TMPRSS15: variants seen among roughly 807,000 people sequenced by gnomAD.
The protein encoded by TMPRSS15 is enteropeptidase.
TMPRSS15 carries 128 observed loss-of-function variants against 125.3 expected under a neutral mutation model. That is an observed-to-expected ratio of 1.02 (90% CI 0.89 to 1.18). The LOEUF (loss-of-function observed/expected upper bound fraction) is 1.18, where lower values mean the gene tolerates loss of function less well. TMPRSS15 is among the 50% of genes most tolerant of loss of function. TMPRSS15 has a pLI of 0.00. For synonymous variants in TMPRSS15, 446 were observed against 423.2 expected, an observed-to-expected ratio of 1.05 and a Z score of -0.66; for missense variants, 1,283 against 1,212.7, an observed-to-expected ratio of 1.06 and a Z score of -0.86.
chr21:18,450,749 C>T (rs958007088), intron 1 of TMPRSS15, among the ~76,000 whole-genome samples: 8 of 152,172 alleles, frequency 5.3e-5, no homozygotes, highest in Admixed American at 5.2e-4. Flanking sequence ...GTGTCAGCTT[C>T]AGGGGTTCAA....
At chr21:18,471,524 T>C (rs1978780761) in intron 1 of TMPRSS15, among the ~76,000 whole-genome samples, 1 of 151,616 alleles carries the variant, frequency 6.6e-6, no homozygotes, top group Non-Finnish European at 1.5e-5. Flanking sequence ...TCCTAAAGCC[T>C]AAGTAATGTT....
chr21:18,416,730 A>G (rs2076181200), intron 1 of TMPRSS15, among the ~76,000 whole-genome samples: 1 of 152,094 alleles, frequency 6.6e-6, no homozygotes, highest in African/African-American at 2.4e-5. Context: ...TAAATTATCT[A>G]GATGACTTTT....
At chr21:18,476,304 A>T (rs1978879249) in intron 1 of TMPRSS15, among the ~76,000 whole-genome samples, 1 of 152,130 alleles carries the variant, frequency 6.6e-6, no homozygotes, top group South Asian at 2.1e-4. Context: ...AATTTTTAGC[A>T]TGTGTTATTT....
In TMPRSS15 at chr21:18,326,501, T is replaced by G. The variant is rs1403383830; in HGVS notation, c.1852A>C (p.Thr618Pro). Reference protein sequence around the residue: ...TTNRMTVLLITNDVLARGGFK... With the variant: ...TTNRMTVLLIPNDVLARGGFK... ...CCTCCTCTTGCCAACACATCGTTAG[T>G]GATGAGAAGCACAGTCATTCTGTTG... The change falls in exon 16 of 25, where the codon ACT (threonine) becomes CCT (proline). Residue 618 changes from threonine to proline, a missense_variant. Physicochemically the swap from Thr to Pro is conservative, Grantham distance 38 (BLOSUM62 -1). Coordinates refer to ENST00000284885, the MANE Select transcript of TMPRSS15 (RefSeq NM_002772.3). 1 of 1,614,150 alleles carries G rather than the reference T, an allele frequency of 6.2e-7. No individual in the cohort carries two copies. Among genetic ancestry groups the G allele is most frequent in the East Asian group, 2.2e-5 (1 of 44,876 alleles).
intron 14 of TMPRSS15, among the ~76,000 whole-genome samples, chr21:18,330,617 TTG>T (rs1282929539): frequency 1.3e-5 from 2 of 152,210 alleles, no homozygotes; most frequent in Non-Finnish European, 2.9e-5. Flanking sequence ...TGTGCTACAT[TTG>T]TGTCTTCTTT....
intron 1 of TMPRSS15, among the ~76,000 whole-genome samples, chr21:18,473,753 A>C (rs1006517574): frequency 6.6e-6 from 1 of 152,042 alleles, no homozygotes; most frequent in Admixed American, 6.6e-5. Flanking sequence ...TCAACTTCTA[A>C]TTTTTCTTTT....
chr21:18,374,145 A>G (rs1216668670), intron 5 of TMPRSS15, among the ~76,000 whole-genome samples: 1 of 152,160 alleles, frequency 6.6e-6, no homozygotes, highest in East Asian at 1.9e-4. Flanking sequence ...CACCAGGAGG[A>G]GAGAGATATG....
At chr21:18,383,843 C>T in intron 3 of TMPRSS15, 65 bp from the exon 4 acceptor site, 1 of 1,553,524 alleles carries the variant, frequency 6.4e-7, no homozygotes, top group Admixed American at 1.8e-5. Flanking sequence ...GTGTTCAATT[C>T]ATGTTAAATG....
At chr21:18,344,601 A>G (rs2146991351) in intron 10 of TMPRSS15, among the ~76,000 whole-genome samples, 1 of 152,334 alleles carries the variant, frequency 6.6e-6, no homozygotes, top group South Asian at 2.1e-4. Context: ...ACGATAAGTA[A>G]TCAGATCACT....
At chr21:18,361,458 C>G (rs115913687) in intron 7 of TMPRSS15, among the ~76,000 whole-genome samples, 2 of 152,046 alleles carry the variant, frequency 1.3e-5, no homozygotes, top group Non-Finnish European at 2.9e-5. Flanking sequence ...GTTTCCAAGG[C>G]CAAGCAGGAG....
At chr21:18,440,486 C>T (rs989837201) in intron 1 of TMPRSS15, among the ~76,000 whole-genome samples, 22 of 151,564 alleles carry the variant, frequency 1.5e-4, no homozygotes, top group Admixed American at 1.2e-3. Flanking sequence ...TTAGAACCTC[C>T]ATTTCCCTAA....
chr21:18,466,950 A>C (rs1257902737), intron 1 of TMPRSS15, among the ~76,000 whole-genome samples: 1 of 152,194 alleles, frequency 6.6e-6, no homozygotes, highest in Non-Finnish European at 1.5e-5. Flanking sequence ...CTATAAAGAC[A>C]CATGCACATG....
At chr21:18,297,588 G>A (rs1195078557) in intron 19 of TMPRSS15, 146 bp downstream of exon 19, 3 of 657,926 alleles carry the variant, frequency 4.6e-6, no homozygotes, top group Non-Finnish European at 8.1e-6. Flanking sequence ...GATACTGTTT[G>A]AGATTACTTA....
chr21:18,373,295 A>T (rs997365059), intron 5 of TMPRSS15, among the ~76,000 whole-genome samples: 1 of 152,136 alleles, frequency 6.6e-6, no homozygotes, highest in Non-Finnish European at 1.5e-5. Flanking sequence ...GAGTCTACAT[A>T]CAACTAAATT....
chr21:18,283,497 T>G (rs1164081286), intron 21 of TMPRSS15, among the ~76,000 whole-genome samples: 1 of 151,970 alleles, frequency 6.6e-6, no homozygotes, highest in Non-Finnish European at 1.5e-5. Context: ...CTCTGTTATA[T>G]TCATATAACC....
At chr21:18,271,057 G>GA (rs1449151874) in intron 24 of TMPRSS15, among the ~76,000 whole-genome samples, 8 of 152,032 alleles carry the variant, frequency 5.3e-5, no homozygotes, top group South Asian at 4.2e-4. Flanking sequence ...TATATTTAAA[G>GA]AAAAAAATGT....
At chr21:18,452,305 T>G (rs1291094801) in intron 1 of TMPRSS15, among the ~76,000 whole-genome samples, 2 of 152,218 alleles carry the variant, frequency 1.3e-5, no homozygotes, top group Non-Finnish European at 2.9e-5. Context: ...TTTCTCAAGT[T>G]ATTTTTTACT....
intron 24 of TMPRSS15, among the ~76,000 whole-genome samples, chr21:18,271,400 C>A (rs2074554230): frequency 6.6e-6 from 1 of 151,968 alleles, no homozygotes; most frequent in Non-Finnish European, 1.5e-5. Flanking sequence ...CAAGAGGATC[C>A]AGACAGAATA....
At chr21:18,323,633 A>G (rs1354335181) in intron 16 of TMPRSS15, among the ~76,000 whole-genome samples, 1 of 152,178 alleles carries the variant, frequency 6.6e-6, no homozygotes, top group East Asian at 1.9e-4. Context: ...CTTATCTGTT[A>G]GAGCACAGTA....
Sources: gnomAD v4.1 joint callset for allele counts (sites outside exome capture counted in the v4.1 genomes callset) on GRCh38, gnomAD v4.1.1 for gene constraint, MANE v1.5 for transcripts, NCBI Gene and HGNC (gene_info 2026-07-23, HGNC 2026-07-21) for gene names.